The following ANKRD26 variants were observed in gnomAD, a reference collection of about 807,000 sequenced individuals.
ANKRD26 encodes ankyrin repeat domain 26, also known as ankyrin repeat domain-containing protein 26.
A neutral mutation model predicts 208.7 loss-of-function variants in ANKRD26; 141 were observed. The ratio of observed to expected loss-of-function variants is 0.68; its 90% CI spans 0.59 to 0.78. The LOEUF (loss-of-function observed/expected upper bound fraction) is 0.78. Ranked by LOEUF, ANKRD26 falls within the 30% of genes least tolerant of loss-of-function variation. The probability of loss-of-function intolerance (pLI) is 0.00; values close to 1 mark genes in which losing one functional copy is unlikely to be tolerated. For synonymous variants in ANKRD26, 636 were observed against 660.4 expected, an observed-to-expected ratio of 0.96 and a Z score of 0.57; for missense variants, 1,889 against 1,938.7, an observed-to-expected ratio of 0.97 and a Z score of 0.48.
intron 16 of ANKRD26, chr10:27,051,731 T>C (rs1175480925): frequency 2.0e-6 from 2 of 985,230 alleles, no homozygotes; most frequent in East Asian, 1.1e-4. Flanking sequence ...ATGCCTGGAA[T>C]AGTACAGAGA....
downstream of ANKRD26, among the ~76,000 whole-genome samples, chr10:26,969,006 A>G (rs1444551244): frequency 6.6e-6 from 1 of 152,194 alleles, no homozygotes; most frequent in Non-Finnish European, 1.5e-5. Flanking sequence ...TCAGATTTCA[A>G]TTGGCTCCAA....
rs771125485 is a variant in ANKRD26, at chr10:27,100,255, C to T, written c.72G>A (p.Ala24=). 5 of 1,611,218 alleles carry T rather than the reference C, an allele frequency of 3.1e-6. No individual in the cohort carries two copies. The East Asian group carries it at 8.9e-5, about 29-fold the overall frequency. The part of the protein sequence containing the change: ...GSFARRQRSS[A]GGGGEPGEGA... Reference sequence around the variant, plus strand: ...CCTCCCCCGGCTCGCCCCCGCCTCCCGCGCTGCTCCTCTGCCGCCGCGCGA... The same window carrying T: ...CCTCCCCCGGCTCGCCCCCGCCTCCTGCGCTGCTCCTCTGCCGCCGCGCGA... Residue 24 remains alanine (A), a synonymous_variant, in exon 1 of 34, where the codon GCG becomes GCA. Transcript: ENST00000376087.
Position 27,013,119 on chromosome 10 carries a change from AT to A in ANKRD26, c.4725-10del. The A allele has an allele frequency of 6.2e-7, 1 of 1,609,684 alleles. No individual in the cohort carries two copies. Among genetic ancestry groups the A allele is most frequent in the Non-Finnish European group, 8.5e-7 (1 of 1,176,174 alleles). On this transcript the variant is annotated splice_polypyrimidine_tract_variant and intron_variant, in intron 31 of 33. Transcript: ENST00000376087. ...CTAGCCTCTCATTAGTTCTGTGAAG[AT>A]TGCAGAAGACACATGCTTAGTATTT...
intron 7 of ANKRD26, among the ~76,000 whole-genome samples, chr10:27,078,534 AAC>A (rs943382217): frequency 6.6e-6 from 1 of 152,188 alleles, no homozygotes; most frequent in Non-Finnish European, 1.5e-5. Flanking sequence ...CACACTGAGA[AAC>A]ACAGACCTGT....
chr10:26,985,647 T>G (rs1054142123), intron 3 of ANKRD26, among the ~76,000 whole-genome samples: 15 of 152,224 alleles, frequency 9.9e-5, no homozygotes, highest in African/African-American at 3.4e-4. Context: ...GGAATTTTTA[T>G]AATTGTCAAA....
chr10:26,955,060 GA>G, the ANKRD26 span, among the ~76,000 whole-genome samples: 1 of 151,386 alleles, frequency 6.6e-6, no homozygotes, highest in Non-Finnish European at 1.5e-5. Flanking sequence ...TTGTGTGCCT[GA>G]TGGATTTTGG....
At chr10:27,018,479 G>A (rs970297032) in intron 29 of ANKRD26, among the ~76,000 whole-genome samples, 7 of 151,566 alleles carry the variant, frequency 4.6e-5, no homozygotes, top group Admixed American at 2.6e-4. Flanking sequence ...ACATCCTATT[G>A]AGTTATTTAG....
At position 27,017,840 on chromosome 10, in the gene ANKRD26, G is replaced by A. The variant is rs140164179; in HGVS notation, c.4216-48C>T. 4.7e-4 allele frequency: 731 copies of A among 1,544,090 alleles called. 5 individuals are homozygous for A. In the African/African-American group the frequency reaches 8.9e-3, roughly 19 times the overall value. On this transcript the variant is annotated intron_variant, in intron 29 of 33. Coordinates refer to ENST00000376087, the MANE Select transcript of ANKRD26 (RefSeq NM_014915.3). ...TGTAATAATGAAGGAAGTAGCCTGA[G>A]AATAGCCTAACATAAAACCAAGAAC...
chr10:27,071,141 T>C (rs1284216617), intron 9 of ANKRD26, among the ~76,000 whole-genome samples: 1 of 147,876 alleles, frequency 6.8e-6, no homozygotes, highest in Non-Finnish European at 1.5e-5. Context: ...ATTGCAGAAA[T>C]AAACAATTGC....
the ANKRD26 span, among the ~76,000 whole-genome samples, chr10:26,960,100 G>A: frequency 2.0e-5 from 3 of 151,320 alleles, no homozygotes; most frequent in Non-Finnish European, 2.9e-5. Flanking sequence ...AGTTGGAGGC[G>A]ACAGCACCAT....
chr10:27,062,149 C>T, intron 12 of ANKRD26: 10 of 985,232 alleles, frequency 1.0e-5, no homozygotes, highest in Non-Finnish European at 1.2e-5. Flanking sequence ...GGTCTTGATT[C>T]TTCCCATTCT....
the ANKRD26 span, among the ~76,000 whole-genome samples, chr10:26,950,798 C>G: frequency 6.6e-6 from 1 of 152,020 alleles, no homozygotes; most frequent in Non-Finnish European, 1.5e-5. Context: ...TTTATAGCAA[C>G]AGAAAAGCAA....
chr10:26,978,913 T>C (rs2052265406), intron 5 of ANKRD26, among the ~76,000 whole-genome samples: 1 of 152,108 alleles, frequency 6.6e-6, no homozygotes, highest in Non-Finnish European at 1.5e-5. Context: ...GTTTCAGTCC[T>C]ACACCAACTT....
chr10:27,053,583 T>C (rs1448104949), intron 15 of ANKRD26, among the ~76,000 whole-genome samples, 193 bp from the exon 16 acceptor site: 1 of 152,212 alleles, frequency 6.6e-6, no homozygotes, highest in Non-Finnish European at 1.5e-5. Flanking sequence ...AAAGTTTCAA[T>C]GAAGCCTAAT....
chr10:26,967,437 A>G, the ANKRD26 span, among the ~76,000 whole-genome samples: 1 of 152,220 alleles, frequency 6.6e-6, no homozygotes, highest in Admixed American at 6.5e-5. Flanking sequence ...ACATCACTTC[A>G]GACCACAATC....
rs747543235 is a variant in ANKRD26 at position 27,053,300 on chromosome 10, T to C, written c.1635+20A>G. 4.5e-6 allele frequency: 7 copies of C among 1,570,168 alleles called. No individual in the cohort carries two copies. The African/African-American group carries it at 8.1e-5, about 18-fold the overall frequency. Reference sequence around the variant, plus strand: ...AAAGAAAACAATATTAAACCAGAAATTTTTAAAAATATATAATACCTGTGG... The same window carrying C: ...AAAGAAAACAATATTAAACCAGAAACTTTTAAAAATATATAATACCTGTGG... On this transcript the variant is annotated intron_variant, in intron 16 of 33. Coordinates refer to ENST00000376087, the MANE Select transcript of ANKRD26 (RefSeq NM_014915.3).
At chr10:26,962,328 A>C in the ANKRD26 span, among the ~76,000 whole-genome samples, 6 of 152,256 alleles carry the variant, frequency 3.9e-5, no homozygotes, top group African/African-American at 1.4e-4. Flanking sequence ...TAATTCCAGC[A>C]CGTTGGGAGG....
intron 5 of ANKRD26, among the ~76,000 whole-genome samples, chr10:26,976,598 T>C (rs1260187049): frequency 2.0e-5 from 3 of 152,240 alleles, no homozygotes; most frequent in African/African-American, 7.2e-5. Context: ...ATTTGTTTGC[T>C]GTACAATGAT....
chr10:27,094,791 A>C (rs1030376723), intron 1 of ANKRD26, among the ~76,000 whole-genome samples: 5 of 152,164 alleles, frequency 3.3e-5, no homozygotes, highest in Non-Finnish European at 7.4e-5. Context: ...GCTTGAGTCC[A>C]AGAGTTTGAG....
Sources: allele counts gnomAD v4.1 joint callset (sites outside exome capture counted in the v4.1 genomes callset), GRCh38; gene constraint gnomAD v4.1.1; transcripts MANE v1.5; gene names NCBI Gene and HGNC (gene_info 2026-07-23, HGNC 2026-07-21).